Variants in SORCS1 observed in about 807,000 individuals in gnomAD.
SORCS1 encodes VPS10 domain-containing receptor SorCS1.
A neutral mutation model predicts 146.1 loss-of-function variants in SORCS1; 60 were observed. The ratio of observed to expected loss-of-function variants is 0.41; its 90% CI spans 0.33 to 0.51. The LOEUF (loss-of-function observed/expected upper bound fraction) is 0.51. Among genes scored for constraint, SORCS1 ranks in the 20% least tolerant of loss-of-function variants. SORCS1 has a pLI of 0.21. For missense variants in SORCS1, 1,352 were observed against 1,487.6 expected, an observed-to-expected ratio of 0.91 and a Z score of 1.50; for synonymous variants, 637 against 584.0, an observed-to-expected ratio of 1.09 and a Z score of -1.31.
chr10:106,966,167 C>T (rs1955485840), intron 1 of SORCS1, among the ~76,000 whole-genome samples: 2 of 152,180 alleles, frequency 1.3e-5, no homozygotes, highest in African/African-American at 2.4e-5. Flanking sequence ...TGCATAATTA[C>T]ACTCTTTTTG....
chr10:106,944,150 C>G (rs1954192766), intron 2 of SORCS1, among the ~76,000 whole-genome samples: 1 of 152,166 alleles, frequency 6.6e-6, no homozygotes, highest in Admixed American at 6.5e-5. Flanking sequence ...TGTTCTTTGC[C>G]AGGTGAATCC....
rs977239531 is a variant in SORCS1 at position 106,645,989 on chromosome 10, C to T, written c.2475+6393G>A. 2.3e-4 allele frequency among the ~76,000 whole-genome samples: 35 copies of T among 151,960 alleles called. 2 individuals are homozygous for T. Among genetic ancestry groups the T allele is most frequent in the Admixed American group, 2.2e-3 (33 of 15,248 alleles). On this transcript the variant is annotated intron_variant, in intron 18 of 25. Transcript: ENST00000263054. ...TTAAAATTAGTATAATTAGGCTGGG[C>T]GTGGTAGCTCACGCTTGTAAATCCC...
chr10:107,043,221 TA>T (rs1275773357), intron 1 of SORCS1, among the ~76,000 whole-genome samples: 1 of 152,192 alleles, frequency 6.6e-6, no homozygotes, highest in Middle Eastern at 3.4e-3. Flanking sequence ...CTAGGCTGGG[TA>T]AAAAAACTGG....
chr10:106,946,373 A>G (rs1954345059), intron 2 of SORCS1, among the ~76,000 whole-genome samples: 1 of 152,230 alleles, frequency 6.6e-6, no homozygotes, highest in Non-Finnish European at 1.5e-5. Context: ...TGTAGCCCCC[A>G]TAATTCCCAC....
At chr10:106,754,388 T>G (rs953659689) in intron 5 of SORCS1, among the ~76,000 whole-genome samples, 1 of 152,318 alleles carries the variant, frequency 6.6e-6, no homozygotes, top group African/African-American at 2.4e-5. Context: ...ATGGATACAG[T>G]GGAGTCTAAT....
intron 4 of SORCS1, among the ~76,000 whole-genome samples, chr10:106,770,233 C>T (rs1859913643): frequency 6.6e-6 from 1 of 152,084 alleles, no homozygotes; most frequent in Admixed American, 6.5e-5. Flanking sequence ...ACATACAGGC[C>T]TTAGGATTTT....
intron 3 of SORCS1, among the ~76,000 whole-genome samples, chr10:106,797,241 C>T (rs1207756100): frequency 2.6e-5 from 4 of 152,142 alleles, no homozygotes; most frequent in African/African-American, 7.2e-5. Flanking sequence ...TGTCATTTTG[C>T]TCTGGCTCTT....
chr10:107,080,106 C>T (rs1382367386), intron 1 of SORCS1, among the ~76,000 whole-genome samples: 1 of 152,146 alleles, frequency 6.6e-6, no homozygotes, highest in Non-Finnish European at 1.5e-5. Context: ...CTGCAATAAA[C>T]ATTTGGGTTC....
chr10:107,145,677 G>A (rs973415846), intron 1 of SORCS1, among the ~76,000 whole-genome samples: 1 of 152,058 alleles, frequency 6.6e-6, no homozygotes, highest in African/African-American at 2.4e-5. Flanking sequence ...ATAAATCAAG[G>A]TCAGACAATT....
At chr10:106,982,534 T>A (rs188457707) in intron 1 of SORCS1, among the ~76,000 whole-genome samples, 3 of 152,304 alleles carry the variant, frequency 2.0e-5, no homozygotes, top group Non-Finnish European at 2.9e-5. Context: ...AGGGGGCACA[T>A]GTCTTTCACC....
intron 25 of SORCS1, chr10:106,578,617 G>A: frequency 1.0e-6 from 1 of 975,310 alleles, no homozygotes; most frequent in African/African-American, 1.8e-5. Context: ...CTCTCATTAT[G>A]TCACTTCTCT....
chr10:106,903,999 C>T (rs61867350), intron 2 of SORCS1, among the ~76,000 whole-genome samples: 49,313 of 152,080 alleles, frequency 0.32, 8,874 homozygotes, highest in Non-Finnish European at 0.41. Context: ...GCAATCAGAA[C>T]TCTTATCTCT....
intron 17 of SORCS1, among the ~76,000 whole-genome samples, chr10:106,655,048 C>T (rs1008910723): frequency 6.6e-6 from 1 of 151,924 alleles, no homozygotes; most frequent in East Asian, 1.9e-4. Flanking sequence ...GTAGAGATGG[C>T]ATTTCACCAT....
At chr10:106,624,907 C>T (rs993130229) in intron 19 of SORCS1, among the ~76,000 whole-genome samples, 1 of 152,164 alleles carries the variant, frequency 6.6e-6, no homozygotes, top group African/African-American at 2.4e-5. Context: ...ACAGAGGGTG[C>T]AGTATGCCCT....
At chr10:106,712,154 AG>A in intron 6 of SORCS1, among the ~76,000 whole-genome samples, 1 of 152,366 alleles carries the variant, frequency 6.6e-6, no homozygotes, top group East Asian at 1.9e-4. Context: ...GCCACAGCTG[AG>A]GAAATGGAAG....
intron 17 of SORCS1, among the ~76,000 whole-genome samples, chr10:106,662,587 C>T (rs1305010172): frequency 6.6e-6 from 1 of 152,304 alleles, no homozygotes; most frequent in East Asian, 1.9e-4. Context: ...TCTGCACTGA[C>T]TGAGCATGAG....
At chr10:106,619,509 T>C (rs969973667) in intron 20 of SORCS1, among the ~76,000 whole-genome samples, 1 of 152,176 alleles carries the variant, frequency 6.6e-6, no homozygotes, top group Non-Finnish European at 1.5e-5. Flanking sequence ...TGGAAGAAGA[T>C]GGAGTGTTTC....
At chr10:106,610,459 A>C (rs1402019611) in intron 22 of SORCS1, among the ~76,000 whole-genome samples, 1 of 152,186 alleles carries the variant, frequency 6.6e-6, no homozygotes, top group East Asian at 1.9e-4. Flanking sequence ...CAAAGCACTC[A>C]AAAGAGTATC....
intron 1 of SORCS1, among the ~76,000 whole-genome samples, chr10:106,968,077 G>A (rs1041168605): frequency 2.6e-5 from 4 of 151,966 alleles, no homozygotes; most frequent in Non-Finnish European, 5.9e-5. Context: ...GGGCGTGGTG[G>A]CGGGTGCCTG....
Sources: allele counts gnomAD v4.1 joint callset (sites outside exome capture counted in the v4.1 genomes callset), GRCh38; gene constraint gnomAD v4.1.1; transcripts MANE v1.5; gene names NCBI Gene and HGNC (gene_info 2026-07-23, HGNC 2026-07-21).